Variants in SOX5 observed in about 807,000 individuals in gnomAD.
SOX5 encodes transcription factor SOX-5.
SOX5 carries 9 observed loss-of-function variants against 92.0 expected under a neutral mutation model. The observed-to-expected ratio is 0.10, with a 90% CI of 0.06 to 0.17. The LOEUF is 0.17. SOX5 is among the 10% of genes least tolerant of loss of function. The pLI is 1.00. For missense variants in SOX5, 642 were observed against 944.5 expected (o/e 0.68, Z 4.20); for synonymous variants, 344 against 336.3 (o/e 1.02, Z -0.25).
At chr12:23,579,794 C>CATGTTTAAAT (rs1949787307) in intron 9 of SOX5, among the ~76,000 whole-genome samples, 1 of 151,904 alleles carries the variant, frequency 6.6e-6, no homozygotes, top group African/African-American at 2.4e-5. Flanking sequence ...AAATTACTTA[C>CATGTTTAAAT]AAATAAAAGG....
intron 4 of SOX5, among the ~76,000 whole-genome samples, chr12:24,018,988 AT>A (rs1342439450): frequency 6.6e-6 from 1 of 152,000 alleles, no homozygotes; most frequent in Non-Finnish European, 1.5e-5. Flanking sequence ...ATAATCATGC[AT>A]TTTTTTGAGG....
chr12:23,772,548 T>C (rs1191616422), intron 3 of SOX5, among the ~76,000 whole-genome samples: 1 of 152,240 alleles, frequency 6.6e-6, no homozygotes, highest in African/African-American at 2.4e-5. Context: ...ACCTTTTATA[T>C]AGCAGCTACT....
In SOX5 at chr12:24,155,285, AC is replaced by A. The variant is rs746550983; in HGVS notation, c.-2+58057del. On this transcript the variant is annotated intron_variant, in intron 4 of 4. Transcript: ENST00000446891. Reference sequence around the variant, plus strand: ...TGGTAGTAGGGGGAATAGAAAAAAAACATATTCATAATTGCTAAGACAAATG... The same window carrying A: ...TGGTAGTAGGGGGAATAGAAAAAAAAATATTCATAATTGCTAAGACAAATG... Among the ~76,000 whole-genome samples, 5 of 152,282 alleles carry A rather than the reference AC, an allele frequency of 3.3e-5. No individual in the cohort carries two copies. The East Asian group carries it at 5.8e-4, about 18-fold the overall frequency.
intron 2 of SOX5, among the ~76,000 whole-genome samples, chr12:24,282,077 A>G (rs903207680): frequency 2.0e-5 from 3 of 152,250 alleles, no homozygotes; most frequent in African/African-American, 7.2e-5. Context: ...CAGAGACTCA[A>G]CCAAATCTCA....
rs1951175392 is a variant in SOX5 at position 24,330,431 on chromosome 12, G to A, written c.-174+38132C>T. 3.3e-5 allele frequency among the ~76,000 whole-genome samples: 5 copies of A among 152,230 alleles called. No individual in the cohort carries two copies. The South Asian group carries it at 1.0e-3, about 32-fold the overall frequency. ...AGGATGAAGGCTGCTTTCTGAGACA[G>A]TGACAGAGAGAGAGGAAAATCTGAT... On this transcript the variant is annotated intron_variant, in intron 2 of 4. Transcript: ENST00000446891.
At chr12:24,062,876 T>C (rs1427499763) in intron 4 of SOX5, among the ~76,000 whole-genome samples, 1 of 152,214 alleles carries the variant, frequency 6.6e-6, no homozygotes, top group East Asian at 1.9e-4. Context: ...TTAACACTGC[T>C]ACTATTGATA....
intron 9 of SOX5, 127 bp downstream of exon 9, chr12:23,604,260 C>T: frequency 1.1e-6 from 1 of 917,044 alleles, no homozygotes; most frequent in Non-Finnish European, 1.7e-6. Context: ...GTTGCCCTTA[C>T]TTGATTCTTA....
intron 7 of SOX5, among the ~76,000 whole-genome samples, chr12:23,660,831 C>A (rs1048176842): frequency 1.1e-4 from 16 of 152,142 alleles, no homozygotes; most frequent in African/African-American, 3.9e-4. Context: ...AAGGAAATAT[C>A]CAACTGCTCA....
At position 23,797,669 on chromosome 12, in the gene SOX5, G is replaced by A. The variant is rs966433758; in HGVS notation, c.482-41945C>T. On this transcript the variant is annotated intron_variant, in intron 3 of 14. Coordinates refer to ENST00000451604, the MANE Select transcript of SOX5 (RefSeq NM_006940.6). ...CTGAAGCCCCTAAAAGTTTGGGACT[G>A]TTCTAAAGAAGTCTGAAATTATAAG... Among the ~76,000 whole-genome samples, 120 of 152,132 alleles carry A rather than the reference G, an allele frequency of 7.9e-4. 1 individual carries two copies. Among genetic ancestry groups the A allele is most frequent in the Admixed American group, 2.5e-3 (38 of 15,256 alleles).
At chr12:24,182,368 C>T (rs749363936) in intron 4 of SOX5, among the ~76,000 whole-genome samples, 5 of 152,128 alleles carry the variant, frequency 3.3e-5, no homozygotes, top group Non-Finnish European at 7.4e-5. Context: ...ACTACCTACA[C>T]GAAGGACCAA....
In SOX5 at chr12:24,254,718, A is replaced by AATATAT. The variant is rs10556060; in HGVS notation, c.-77+22492_-77+22497dup. On this transcript the variant is annotated intron_variant, in intron 3 of 4. Coordinates refer to the SOX5 transcript ENST00000446891. ...TATTCTTTTTTCTTTGGGCTGCTCA[A>AATATAT]ATATATATATATATATATATTTCCT... Among the ~76,000 whole-genome samples, 72 of 146,686 alleles carry AATATAT rather than the reference A, an allele frequency of 4.9e-4. No individual in the cohort carries two copies. In the Middle Eastern group the frequency reaches 0.01, roughly 21 times the overall value.
At chr12:23,663,622 T>C (rs2083372601) in intron 7 of SOX5, among the ~76,000 whole-genome samples, 1 of 151,882 alleles carries the variant, frequency 6.6e-6, no homozygotes, top group South Asian at 2.1e-4. Context: ...CTAATGATTT[T>C]AGAAAGTGTC....
intron 3 of SOX5, among the ~76,000 whole-genome samples, chr12:23,837,917 T>C (rs1594910558): frequency 8.5e-6 from 1 of 117,066 alleles, no homozygotes; most frequent in Non-Finnish European, 1.6e-5. Context: ...TTATATACTA[T>C]GTTTATATTT....
intron 7 of SOX5, among the ~76,000 whole-genome samples, chr12:23,645,939 T>C (rs1220784580): frequency 6.6e-6 from 1 of 152,210 alleles, no homozygotes; most frequent in Admixed American, 6.5e-5. Context: ...ACAGTACATA[T>C]AAGTCGTGTT....
At chr12:24,544,995 T>C (rs1952481225) in intron 1 of SOX5, among the ~76,000 whole-genome samples, 1 of 152,222 alleles carries the variant, frequency 6.6e-6, no homozygotes, top group Non-Finnish European at 1.5e-5. Context: ...ACTGTTTAAA[T>C]AGAGTAATAT....
intron 8 of SOX5, among the ~76,000 whole-genome samples, chr12:23,614,927 G>A (rs1293603653): frequency 6.6e-6 from 1 of 152,170 alleles, no homozygotes; most frequent in East Asian, 1.9e-4. Context: ...TCAGCCTCCT[G>A]AGTAGCTGGG....
At chr12:23,999,624 TAA>T (rs1042973898) in intron 4 of SOX5, among the ~76,000 whole-genome samples, 22 of 152,180 alleles carry the variant, frequency 1.4e-4, no homozygotes, top group African/African-American at 4.3e-4. Flanking sequence ...CAACAATTAA[TAA>T]AAGAGTCTTT....
At chr12:23,634,365 T>A (rs911046676) in intron 8 of SOX5, among the ~76,000 whole-genome samples, 34 of 152,270 alleles carry the variant, frequency 2.2e-4, no homozygotes, top group South Asian at 1.5e-3. Context: ...GTGCTATCTC[T>A]TAGGATCCAC....
intron 2 of SOX5, among the ~76,000 whole-genome samples, chr12:23,885,839 G>C (rs2097058144): frequency 3.0e-5 from 1 of 33,066 alleles, no homozygotes; most frequent in Admixed American, 3.3e-4. Flanking sequence ...AAAATACAGG[G>C]GAAAAAAAAT....
Sources: gnomAD v4.1 joint callset for allele counts (sites outside exome capture counted in the v4.1 genomes callset) on GRCh38, gnomAD v4.1.1 for gene constraint, MANE v1.5 for transcripts, NCBI Gene and HGNC (gene_info 2026-07-23, HGNC 2026-07-21) for gene names.